The following SAMTOR variants were observed in gnomAD, a reference collection of about 807,000 sequenced individuals.
The protein encoded by SAMTOR is S-adenosylmethionine sensor upstream of mTORC1.
chr7:112,860,214 C>T, the SAMTOR span, among the ~76,000 whole-genome samples: 1 of 152,132 alleles, frequency 6.6e-6, no homozygotes, highest in East Asian at 1.9e-4. Context: ...TATGTATAGG[C>T]TATACCATCT....
chr7:112,904,255 A>G, the SAMTOR span, among the ~76,000 whole-genome samples: 8 of 152,166 alleles, frequency 5.3e-5, no homozygotes, highest in African/African-American at 1.7e-4. Context: ...TTAATTATAC[A>G]TGGAATAGTC....
chr7:112,939,547 G>A, the SAMTOR span: 2 of 1,613,246 alleles, frequency 1.2e-6, no homozygotes, highest in Non-Finnish European at 1.7e-6. Context: ...GCGGTTGGGG[G>A]TGATGAGGCC....
chr7:112,919,707 C>T, the SAMTOR span, among the ~76,000 whole-genome samples: 4 of 151,156 alleles, frequency 2.6e-5, no homozygotes, highest in Admixed American at 1.3e-4. Flanking sequence ...GCTAGCAAGA[C>T]TAATAAAGAA....
the SAMTOR span, among the ~76,000 whole-genome samples, chr7:112,916,254 A>T: frequency 6.6e-6 from 1 of 152,200 alleles, no homozygotes; most frequent in Non-Finnish European, 1.5e-5. Flanking sequence ...TGAAAACATC[A>T]CTGTGATGAC....
chr7:112,880,713 A>AT, the SAMTOR span, among the ~76,000 whole-genome samples: 1 of 152,220 alleles, frequency 6.6e-6, no homozygotes, highest in South Asian at 2.1e-4. Context: ...TACATGTAGG[A>AT]TTTAACTTTC....
the SAMTOR span, among the ~76,000 whole-genome samples, chr7:112,917,134 A>G: frequency 2.6e-5 from 4 of 152,244 alleles, no homozygotes; most frequent in Admixed American, 6.5e-5. Context: ...ATCTGAGAAC[A>G]GGCAGACTGC....
chr7:112,902,962 C>CA, the SAMTOR span, among the ~76,000 whole-genome samples: 3 of 152,156 alleles, frequency 2.0e-5, no homozygotes, highest in African/African-American at 7.2e-5. Context: ...TATCTAATCA[C>CA]AAATAAACTA....
chr7:112,830,356 T>C, the SAMTOR span, among the ~76,000 whole-genome samples: 1 of 152,170 alleles, frequency 6.6e-6, no homozygotes, highest in Non-Finnish European at 1.5e-5. Context: ...TTACTCTGTT[T>C]TAAAATTAGT....
At chr7:112,822,000 A>G in the SAMTOR span, 1 of 1,613,658 alleles carries the variant, frequency 6.2e-7, no homozygotes, top group Non-Finnish European at 8.5e-7. Context: ...TTTTAGAGAG[A>G]TTTTCCTAAA....
the SAMTOR span, among the ~76,000 whole-genome samples, chr7:112,872,817 A>AT: frequency 6.6e-6 from 1 of 151,972 alleles, no homozygotes; most frequent in Admixed American, 6.6e-5. Context: ...AAAAAAAAAA[A>AT]AAGAAATTTA....
chr7:112,881,003 G>A, the SAMTOR span, among the ~76,000 whole-genome samples: 13 of 152,138 alleles, frequency 8.5e-5, no homozygotes, highest in South Asian at 2.1e-4. Flanking sequence ...CCTCCTGGGC[G>A]CAGCTGTTCA....
the SAMTOR span, among the ~76,000 whole-genome samples, chr7:112,875,529 A>G: frequency 6.6e-6 from 1 of 152,286 alleles, no homozygotes. Context: ...ATTTTTCACT[A>G]TAGATTTACA....
At chr7:112,866,433 C>T in the SAMTOR span, among the ~76,000 whole-genome samples, 1 of 152,194 alleles carries the variant, frequency 6.6e-6, no homozygotes, top group Non-Finnish European at 1.5e-5. Flanking sequence ...TCTCAGAATT[C>T]TGTGCAACAT....
the SAMTOR span, among the ~76,000 whole-genome samples, chr7:112,885,658 T>C: frequency 6.6e-6 from 1 of 152,314 alleles, no homozygotes; most frequent in Admixed American, 6.5e-5. Context: ...CAAAACCATT[T>C]GACAAGTCTT....
the SAMTOR span, among the ~76,000 whole-genome samples, chr7:112,884,080 C>A: frequency 6.6e-6 from 1 of 152,112 alleles, no homozygotes; most frequent in African/African-American, 2.4e-5. Flanking sequence ...TTTTATAAGC[C>A]CATTAATAAA....
chr7:112,839,034 A>G, the SAMTOR span, among the ~76,000 whole-genome samples: 3,372 of 151,970 alleles, frequency 0.022, 107 homozygotes, highest in African/African-American at 0.077. Flanking sequence ...CCGTTCTCTC[A>G]CTAAAAGGAA....
At chr7:112,877,874 C>T in the SAMTOR span, among the ~76,000 whole-genome samples, 10 of 152,162 alleles carry the variant, frequency 6.6e-5, no homozygotes, top group East Asian at 3.9e-4. Context: ...GTTCCTGCTT[C>T]GCCTTCCGCT....
chr7:112,840,138 A>G, the SAMTOR span, among the ~76,000 whole-genome samples: 3 of 151,904 alleles, frequency 2.0e-5, no homozygotes, highest in Non-Finnish European at 1.5e-5. Context: ...GGTACGATGG[A>G]GTCTGGGCAT....
chr7:112,836,031 ATTTTG>A, the SAMTOR span, among the ~76,000 whole-genome samples: 5 of 152,022 alleles, frequency 3.3e-5, no homozygotes, highest in South Asian at 4.1e-4. Flanking sequence ...TCTAGTGGTA[ATTTTG>A]TTTTAAGTTC....
Sources: gnomAD v4.1 joint callset for allele counts (sites outside exome capture counted in the v4.1 genomes callset) on GRCh38, gnomAD v4.1.1 for gene constraint, MANE v1.5 for transcripts, NCBI Gene and HGNC (gene_info 2026-07-23, HGNC 2026-07-21) for gene names.